The following F5 variants were observed in gnomAD, a reference collection of about 807,000 sequenced individuals.
F5 encodes the protein coagulation factor V.
F5 carries 138 observed loss-of-function variants against 216.4 expected under a neutral mutation model. The ratio of observed to expected loss-of-function variants is 0.64; its 90% confidence interval spans 0.56 to 0.73. The LOEUF (loss-of-function observed/expected upper bound fraction) is 0.73, where lower values mean the gene tolerates loss of function less well. F5 is among the 30% of genes least tolerant of loss of function. F5 has a pLI of 0.00. For synonymous variants in F5, 916 were observed against 930.7 expected, an observed-to-expected ratio of 0.98 and a Z score of 0.29; for missense variants, 2,403 against 2,674.0, an observed-to-expected ratio of 0.90 and a Z score of 2.24.
At chr1:169,546,908 T>C (rs1312567431) in intron 10 of F5, among the ~76,000 whole-genome samples, 1 of 148,332 alleles carries the variant, frequency 6.7e-6, no homozygotes, top group Non-Finnish European at 1.5e-5. Flanking sequence ...GGCGGGTGGA[T>C]CACCTGAGGT....
chr1:169,569,455 G>A (rs1660678543), intron 3 of F5, among the ~76,000 whole-genome samples: 1 of 152,008 alleles, frequency 6.6e-6, no homozygotes, highest in African/African-American at 2.4e-5. Flanking sequence ...CATGAAACAA[G>A]CTTTTTAAAG....
intron 11 of F5, among the ~76,000 whole-genome samples, chr1:169,545,335 G>A (rs1246921755): frequency 6.6e-6 from 1 of 152,192 alleles, no homozygotes; most frequent in Non-Finnish European, 1.5e-5. Context: ...GGGTAGACTG[G>A]ACTGAGATAT....
chr1:169,547,386 A>T (rs1396851103), intron 10 of F5, among the ~76,000 whole-genome samples: 2 of 152,260 alleles, frequency 1.3e-5, no homozygotes, highest in African/African-American at 4.8e-5. Flanking sequence ...AAAAGAAACT[A>T]TCAAGAGAGT....
chr1:169,536,340 G>A (rs938811885), intron 14 of F5, among the ~76,000 whole-genome samples, 166 bp downstream of exon 14: 10 of 151,134 alleles, frequency 6.6e-5, no homozygotes, highest in African/African-American at 2.4e-4. Context: ...TTAGTTCGAA[G>A]ATTGCCAAAT....
Position 169,549,966 on chromosome 1 carries a change from A to C in F5, c.1446T>G (p.Thr482=). The part of the protein sequence containing the change: ...IRAVQPGETY[T]YKWNILEFDE... ...CAAACTCTAAGATGTTCCACTTATA[A>C]GTATAGGTTTCCCCTGGTTGAACTG... Residue 482 remains threonine, a synonymous_variant, in exon 10 of 25, where the codon ACT becomes ACG. Coordinates refer to ENST00000367797, the MANE Select transcript of F5 (RefSeq NM_000130.5). The C allele has an allele frequency of 6.2e-7, 1 of 1,614,136 alleles. No homozygotes were observed. The highest frequency in any genetic ancestry group is 8.5e-7 in the Non-Finnish European group (1 of 1,180,012).
At chr1:169,553,889 C>T (rs1251115457) in intron 7 of F5, among the ~76,000 whole-genome samples, 3 of 152,216 alleles carry the variant, frequency 2.0e-5, no homozygotes. Context: ...GACAGTATGG[C>T]AGTTCCTCCA....
Position 169,542,685 on chromosome 1 carries a change from T to C in F5, c.2405A>G (p.Gln802Arg). 1 of 1,614,122 alleles carries C rather than the reference T, an allele frequency of 6.2e-7. No homozygotes were observed. The highest frequency in any genetic ancestry group is 8.5e-7 in the Non-Finnish European group (1 of 1,179,994). ...CAGTGGGGAACCAGCTGTGGTGGCT[T>C]GTTGGTGAGAAGGGGCTTTCTGAGG... ...AEPQKAPSHQ[Q>R]ATTAGSPLRH... is the part of the protein sequence containing the mutation. Residue 802 changes from glutamine to arginine, a missense_variant, in exon 13 of 25, where the codon CAA becomes CGA. Physicochemically the swap from Gln to Arg is conservative, Grantham distance 43 (BLOSUM62 1). Transcript: ENST00000367797.
At chr1:169,520,485 T>G in intron 22 of F5, 35 bp downstream of exon 22, 2 of 1,613,230 alleles carry the variant, frequency 1.2e-6, no homozygotes, top group Non-Finnish European at 1.7e-6. Context: ...ATTCTTTGAG[T>G]GGCAGTGAGA....
intron 20 of F5, 111 bp from the exon 21 acceptor site, chr1:169,523,463 A>T: frequency 7.8e-7 from 1 of 1,280,076 alleles, no homozygotes; most frequent in Non-Finnish European, 1.1e-6. Context: ...AGCACATAAG[A>T]TCTTAGCAAA....
rs61568675 is a variant in F5, at chr1:169,556,425, T to TAAA, written c.952+218_952+220dup. On this transcript the variant is annotated intron_variant, in intron 6 of 24. Coordinates refer to ENST00000367797, the MANE Select transcript of F5 (RefSeq NM_000130.5). ...GAGATCTCTTTAGCTTTTGCTTAAT[T>TAAA]AAAAAAAAAAAAAAAACCTTTGCCA... Among the ~76,000 whole-genome samples the TAAA allele has an allele frequency of 1.4e-3, 84 of 58,916 alleles. 8 individuals are homozygous for TAAA. Among genetic ancestry groups the TAAA allele is most frequent in the African/African-American group, 6.9e-3 (77 of 11,218 alleles). The allele number at this position is 58,916 out of a possible 152,430, so 38.7% of individuals were successfully genotyped here.
rs769285501 is a variant in F5 at position 169,541,523 on chromosome 1, G to A, written c.3567C>T (p.Asp1189=). The A allele has an allele frequency of 6.2e-7, 1 of 1,614,088 alleles. No individual in the cohort carries two copies. Among genetic ancestry groups the A allele is most frequent in the Non-Finnish European group, 8.5e-7 (1 of 1,180,008 alleles). ...HEVWQTVISP[D]LSQVTLSPEL... ...CTGGAGAGAGGGTCACCTGGCTGAG[G>A]TCTGGAGAGATGACTGTCTGCCAGA... The change falls in exon 13 of 25, where the codon GAC becomes GAT. Residue 1189 remains aspartate (D), a synonymous_variant. Coordinates refer to ENST00000367797, the MANE Select transcript of F5 (RefSeq NM_000130.5).
rs1361124205 is a variant in F5 at position 169,541,680 on chromosome 1, T to G, written c.3410A>C (p.Gln1137Pro). The part of the protein sequence containing the change: ...YQTFPIQDPD[Q>P]MHSTSDPSHR... ...ACTGGGGTCTGAAGTAGAGTGCATT[T>G]GATCAGGGTCTTGAATGGGGAATGT... The change falls in exon 13 of 25, where the codon CAA becomes CCA. Residue 1137 changes from glutamine (Q) to proline (P), a missense_variant. Transcript: ENST00000367797. The G allele has an allele frequency of 6.2e-7, 1 of 1,614,110 alleles. No individual in the cohort carries two copies. Among genetic ancestry groups the G allele is most frequent in the Non-Finnish European group, 8.5e-7 (1 of 1,179,990 alleles).
intron 3 of F5, among the ~76,000 whole-genome samples, chr1:169,566,206 T>A (rs928550943): frequency 6.6e-6 from 1 of 152,098 alleles, no homozygotes; most frequent in Non-Finnish European, 1.5e-5. Flanking sequence ...TCTTGCTACA[T>A]GGCCTCATAA....
rs374547794 is a variant in F5, at chr1:169,541,528, G to C, written c.3562C>G (p.Pro1188Ala). 8.7e-6 allele frequency: 14 copies of C among 1,614,164 alleles called. No individual in the cohort carries two copies. The South Asian group carries it at 1.4e-4, about 16-fold the overall frequency. Residue 1188 changes from proline (P) to alanine (A), a missense_variant, in exon 13 of 25, where the codon CCA (proline) becomes GCA (alanine). Physicochemically the swap from Pro to Ala is conservative, Grantham distance 27. Around this residue, in one of 4 missense-constraint regions of F5, gnomAD observed 1,425 missense variants for 1,554.8 expected, o/e 0.92. Transcript: ENST00000367797. ...EHEVWQTVIS[P>A]DLSQVTLSPE... Reference sequence around the variant, plus strand: ...GAGAGGGTCACCTGGCTGAGGTCTGGAGAGATGACTGTCTGCCAGACTTCA... The same window carrying C: ...GAGAGGGTCACCTGGCTGAGGTCTGCAGAGATGACTGTCTGCCAGACTTCA...
chr1:169,552,800 C>T (rs1660204598), intron 7 of F5, 66 bp from the exon 8 acceptor site: 16 of 1,212,770 alleles, frequency 1.3e-5, no homozygotes, highest in Non-Finnish European at 1.9e-5. Context: ...GATGGGGAAA[C>T]CCTTGTGCTT....
Position 169,536,590 on chromosome 1 carries a change from G to A in F5, c.4887C>T (p.Thr1629=). 1 of 1,613,348 alleles carries A rather than the reference G, an allele frequency of 6.2e-7. No individual in the cohort carries two copies. Among genetic ancestry groups the A allele is most frequent in the Non-Finnish European group, 8.5e-7 (1 of 1,179,488 alleles). Residue 1629 remains threonine (T), a synonymous_variant, in exon 14 of 25, where the codon ACC becomes ACT. Transcript: ENST00000367797. ...VFRKYLDSTF[T]KRDPRGEYEE... The stretch of plus-strand genomic sequence containing the variant: ...CATACTCCCCTCGAGGATCACGTTT[G>A]GTAAAAGTGCTGTCGAGGTACTTTC...
At chr1:169,572,505 A>G (rs1051167127) in intron 2 of F5, among the ~76,000 whole-genome samples, 162 bp from the exon 3 acceptor site, 1 of 152,188 alleles carries the variant, frequency 6.6e-6, no homozygotes, top group African/African-American at 2.4e-5. Context: ...TTAGCAGCTC[A>G]TTAACTCAAC....
rs773981602 is a variant in F5 at position 169,540,498 on chromosome 1, A to T, written c.4592T>A (p.Val1531Asp). The T allele has an allele frequency of 2.5e-6, 4 of 1,613,842 alleles. No individual in the cohort carries two copies. Among genetic ancestry groups the T allele is most frequent in the Non-Finnish European group, 3.4e-6 (4 of 1,179,938 alleles). The change falls in exon 13 of 25, where the codon GTC (valine) becomes GAC (aspartate). Residue 1531 changes from valine to aspartate, a missense_variant. Coordinates refer to ENST00000367797, the MANE Select transcript of F5 (RefSeq NM_000130.5). Reference sequence around the variant, plus strand: ...AGCATAGTCATCTTCACTGCTCTGGACCTCTTCCTTTGGAATGATCTCAAT... The same window carrying T: ...AGCATAGTCATCTTCACTGCTCTGGTCCTCTTCCTTTGGAATGATCTCAAT... ...DYIEIIPKEE[V>D]QSSEDDYAEI...
Position 169,546,602 on chromosome 1 carries a change from A to G in F5, c.1612-10T>C, listed in dbSNP as rs966133098. 2 of 1,613,480 alleles carry G rather than the reference A, an allele frequency of 1.2e-6. No individual in the cohort carries two copies. The highest frequency in any genetic ancestry group is 1.3e-5 in the African/African-American group (1 of 74,900). On this transcript the variant is annotated splice_polypyrimidine_tract_variant and intron_variant, in intron 10 of 24. Transcript: ENST00000367797. Reference sequence around the variant, plus strand: ...CGATGTCTGCTGCCCTCTGGAGGACAAAACAGTATAGTACTGGTACAAGAA... The same window carrying G: ...CGATGTCTGCTGCCCTCTGGAGGACGAAACAGTATAGTACTGGTACAAGAA...
Sources: gnomAD v4.1 joint callset for allele counts (sites outside exome capture counted in the v4.1 genomes callset) on GRCh38, gnomAD v4.1.1 for gene constraint, gnomAD v4.1.1 regional missense constraint, MANE v1.5 for transcripts, NCBI Gene and HGNC (gene_info 2026-07-23, HGNC 2026-07-21) for gene names.